Variants in CRB1 observed in about 807,000 individuals in gnomAD.
CRB1 encodes protein crumbs homolog 1.
Under a neutral mutation model 120.0 loss-of-function variants are expected in CRB1, and 83 were observed. That is an observed-to-expected ratio of 0.69 (90% CI 0.58 to 0.83). The LOEUF (loss-of-function observed/expected upper bound fraction) is 0.83, where lower values mean the gene tolerates loss of function less well. CRB1 is among the 40% of genes least tolerant of loss of function. The pLI, the probability that CRB1 is intolerant of heterozygous loss-of-function variation, is 0.00. For missense variants in CRB1, 1,699 were observed against 1,687.6 expected, an observed-to-expected ratio of 1.01 and a Z score of -0.12; for synonymous variants, 625 against 612.5, an observed-to-expected ratio of 1.02 and a Z score of -0.30.
chr1:197,269,897 T>C lies in CRB1; in HGVS notation c.70+1415T>C, dbSNP rs556395862. ...GATTTTATTGATAGATTCTAAATAC[T>C]TTGTAATTATTTTATTTGTTCTCCA... On this transcript the variant is annotated intron_variant, in intron 1 of 11. Transcript: ENST00000367400. Among the ~76,000 whole-genome samples the C allele has an allele frequency of 2.6e-4, 39 of 152,322 alleles. 1 individual carries two copies. In the South Asian group the frequency reaches 8.1e-3, roughly 32 times the overall value.
intron 6 of CRB1, among the ~76,000 whole-genome samples, chr1:197,424,620 T>G (rs140680283): frequency 5.8e-4 from 88 of 152,308 alleles, no homozygotes; most frequent in Non-Finnish European, 1.1e-3. Context: ...AATGTGCTTC[T>G]GTTTTTCAGC....
At chr1:197,442,359 C>T in intron 11 of CRB1, 67 bp downstream of exon 11, 1 of 1,611,856 alleles carries the variant, frequency 6.2e-7, no homozygotes, top group South Asian at 1.1e-5. Flanking sequence ...TCTTTCTTAC[C>T]TCATTTTGCG....
At chr1:197,303,764 G>T (rs1050604771) in intron 1 of CRB1, among the ~76,000 whole-genome samples, 2 of 152,040 alleles carry the variant, frequency 1.3e-5, no homozygotes, top group Admixed American at 1.3e-4. Context: ...TTATCTAATA[G>T]CTAAACTTAT....
chr1:197,414,485 T>A (rs535768066), intron 5 of CRB1, among the ~76,000 whole-genome samples: 1 of 152,250 alleles, frequency 6.6e-6, no homozygotes, highest in South Asian at 2.1e-4. Flanking sequence ...ATTTTTGCTA[T>A]CATGATTATT....
chr1:197,418,465 A>T (rs988137378), intron 5 of CRB1, among the ~76,000 whole-genome samples: 2 of 152,204 alleles, frequency 1.3e-5, no homozygotes, highest in South Asian at 4.1e-4. Context: ...TCTAAGAAAG[A>T]TTATAATATG....
intron 1 of CRB1, among the ~76,000 whole-genome samples, chr1:197,312,912 A>C (rs1284782945): frequency 6.6e-6 from 1 of 152,114 alleles, no homozygotes; most frequent in Non-Finnish European, 1.5e-5. Context: ...TATCCAGTTA[A>C]GTTTTTTTAT....
At chr1:197,344,829 G>A (rs1427633842) in intron 3 of CRB1, among the ~76,000 whole-genome samples, 1 of 152,140 alleles carries the variant, frequency 6.6e-6, no homozygotes, top group East Asian at 1.9e-4. Flanking sequence ...TATATGTCAA[G>A]GATATAAATC....
intron 11 of CRB1, among the ~76,000 whole-genome samples, chr1:197,453,394 A>G (rs1023309841): frequency 1.4e-5 from 2 of 147,638 alleles, no homozygotes; most frequent in African/African-American, 2.5e-5. Context: ...TAAATTATAT[A>G]ACATACTTAT....
chr1:197,405,685 T>G (rs113109508), intron 5 of CRB1, among the ~76,000 whole-genome samples: 1 of 148,104 alleles, frequency 6.8e-6, no homozygotes, highest in Non-Finnish European at 1.5e-5. Context: ...GCCTCTGCCC[T>G]GCCGCCCCGT....
intron 1 of CRB1, among the ~76,000 whole-genome samples, chr1:197,282,537 T>A (rs1018820146): frequency 6.6e-6 from 1 of 151,912 alleles, no homozygotes; most frequent in African/African-American, 2.4e-5. Flanking sequence ...ATTTGCACGT[T>A]TATACTAATA....
intron 5 of CRB1, among the ~76,000 whole-genome samples, chr1:197,397,105 C>T (rs1320256474): frequency 6.6e-6 from 1 of 151,880 alleles, no homozygotes; most frequent in Non-Finnish European, 1.5e-5. Context: ...TGTAAACAAA[C>T]CAGTTTAAAA....
Position 197,285,263 on chromosome 1 carries a change from T to A in CRB1, c.70+16781T>A, listed in dbSNP as rs111421990. The stretch of plus-strand genomic sequence containing the variant: ...TGCAAGAAGATGGTAGCTAAACTAT[T>A]TTTTATAATAAATAACCATGAATTT... On this transcript the variant is annotated intron_variant, in intron 1 of 11. Transcript: ENST00000367400. Among the ~76,000 whole-genome samples the A allele has an allele frequency of 4.2e-4, 64 of 151,960 alleles. 1 individual carries two copies. Among genetic ancestry groups the A allele is most frequent in the African/African-American group, 1.5e-3 (63 of 41,512 alleles).
the CRB1 span, among the ~76,000 whole-genome samples, chr1:197,259,595 G>C: frequency 9.9e-5 from 15 of 152,238 alleles, no homozygotes; most frequent in South Asian, 2.5e-3. Flanking sequence ...TTGAAACCTA[G>C]GTGATGGGTT....
intron 4 of CRB1, among the ~76,000 whole-genome samples, chr1:197,354,683 G>C (rs1299609087): frequency 1.3e-5 from 2 of 151,988 alleles, no homozygotes; most frequent in African/African-American, 2.4e-5. Flanking sequence ...AGTCAGTGTG[G>C]ACCCAAACAG....
intron 11 of CRB1, among the ~76,000 whole-genome samples, chr1:197,474,115 T>C (rs751417207): frequency 6.6e-6 from 1 of 152,200 alleles, no homozygotes; most frequent in Non-Finnish European, 1.5e-5. Context: ...TTAGGGAAAA[T>C]GATAAATGGT....
At chr1:197,386,298 ACATAG>A (rs1662215012) in intron 5 of CRB1, among the ~76,000 whole-genome samples, 1 of 152,152 alleles carries the variant, frequency 6.6e-6, no homozygotes, top group African/African-American at 2.4e-5. Context: ...ACACCCTGGC[ACATAG>A]TAAGAGCTTT....
intron 1 of CRB1, among the ~76,000 whole-genome samples, chr1:197,323,759 G>A (rs1658336616): frequency 6.6e-6 from 1 of 152,126 alleles, no homozygotes; most frequent in Non-Finnish European, 1.5e-5. Context: ...TGAGGCACAT[G>A]CACTTGGTCC....
the CRB1 span, among the ~76,000 whole-genome samples, chr1:197,245,743 G>A: frequency 2.0e-5 from 3 of 152,108 alleles, no homozygotes; most frequent in Admixed American, 6.6e-5. Flanking sequence ...TTCCTTTGAC[G>A]CTGCTCCAGC....
At position 197,429,554 on chromosome 1, in the gene CRB1, T is replaced by G; in HGVS notation, c.2782T>G (p.Cys928Gly). ...SGKACEEVQW[C>G]GFSPCPHGAQ... ...GAAAGCCTGTGAGGAGGTTCAGTGG[T>G]GTGGATTCAGCCCGTGTCCTCACGG... The change falls in exon 8 of 12, where the codon TGT becomes GGT. Residue 928 changes from cysteine to glycine, a missense_variant. Cys to Gly is a radical substitution (Grantham distance 159). Transcript: ENST00000367400. 6.2e-7 allele frequency: 1 copy of G among 1,614,006 alleles called. No individual in the cohort carries two copies. Among genetic ancestry groups the G allele is most frequent in the Non-Finnish European group, 8.5e-7 (1 of 1,179,972 alleles).
Sources: gnomAD v4.1 joint callset for allele counts (sites outside exome capture counted in the v4.1 genomes callset) on GRCh38, gnomAD v4.1.1 for gene constraint, MANE v1.5 for transcripts, NCBI Gene and HGNC (gene_info 2026-07-23, HGNC 2026-07-21) for gene names.